ACTL8: variants seen among roughly 807,000 people sequenced by gnomAD.
The protein encoded by ACTL8 is actin like 8, also known as actin-like protein 8.
ACTL8 carries 3 observed loss-of-function variants against 9.3 expected under a neutral mutation model. The observed-to-expected ratio is 0.32, with a 90% CI of 0.15 to 0.83. ACTL8 has a LOEUF of 0.83. Ranked by LOEUF, ACTL8 falls within the 40% of genes least tolerant of loss-of-function variation. The pLI, the probability that ACTL8 is intolerant of heterozygous loss-of-function variation, is 0.57. For missense variants in ACTL8, 381 were observed against 492.2 expected, an observed-to-expected ratio of 0.77 and a Z score of 2.14; for synonymous variants, 224 against 205.9, an observed-to-expected ratio of 1.09 and a Z score of -0.75.
At chr1:17,755,554 CTGT>C (rs1210490590) in intron 1 of ACTL8, 50 bp downstream of exon 1, 2 of 147,070 alleles carry the variant, frequency 1.4e-5, no homozygotes, top group East Asian at 3.9e-4. Flanking sequence ...TGGCCCCTGA[CTGT>C]TTTTTTTTTT....
At chr1:17,795,528 A>G (rs1455034454) in intron 1 of ACTL8, among the ~76,000 whole-genome samples, 1 of 152,228 alleles carries the variant, frequency 6.6e-6, no homozygotes, top group Non-Finnish European at 1.5e-5. Context: ...ACTTGGGTCT[A>G]AGAGAGAAGC....
At chr1:17,779,289 C>T (rs2066136981) in intron 1 of ACTL8, among the ~76,000 whole-genome samples, 1 of 152,144 alleles carries the variant, frequency 6.6e-6, no homozygotes, top group Admixed American at 6.5e-5. Context: ...CCACAGAAGC[C>T]TTCTCTGACC....
chr1:17,795,804 C>T (rs931201578), intron 1 of ACTL8, among the ~76,000 whole-genome samples: 4 of 152,132 alleles, frequency 2.6e-5, no homozygotes, highest in East Asian at 1.9e-4. Context: ...TCCCCGAGTT[C>T]GAGGTGGTGA....
chr1:17,789,326 C>G (rs1014620789), intron 1 of ACTL8, among the ~76,000 whole-genome samples: 1 of 152,178 alleles, frequency 6.6e-6, no homozygotes, highest in African/African-American at 2.4e-5. Flanking sequence ...TAACTTCTCC[C>G]ATGCTCCCAG....
chr1:17,819,287 ATGAT>A (rs2053625672), intron 1 of ACTL8, among the ~76,000 whole-genome samples: 1 of 152,178 alleles, frequency 6.6e-6, no homozygotes, highest in South Asian at 2.1e-4. Flanking sequence ...GTCACTCTGG[ATGAT>A]TGAGTGTGAG....
At chr1:17,819,143 C>A (rs1263934850) in intron 1 of ACTL8, among the ~76,000 whole-genome samples, 1 of 152,240 alleles carries the variant, frequency 6.6e-6, no homozygotes, top group Non-Finnish European at 1.5e-5. Flanking sequence ...CCTTGTTTCA[C>A]AGCCACAGTG....
chr1:17,813,737 C>G (rs572501638), intron 1 of ACTL8, among the ~76,000 whole-genome samples: 1 of 152,176 alleles, frequency 6.6e-6, no homozygotes, highest in South Asian at 2.1e-4. Context: ...CCAGTGAAAC[C>G]GTTTAGACCT....
intron 1 of ACTL8, among the ~76,000 whole-genome samples, chr1:17,814,673 C>T (rs1488199356): frequency 1.3e-5 from 2 of 152,008 alleles, no homozygotes; most frequent in East Asian, 3.9e-4. Context: ...CATTATGTTA[C>T]AATCGCCTAC....
At chr1:17,825,448 A>T (rs558565510) in intron 2 of ACTL8, among the ~76,000 whole-genome samples, 39 of 152,170 alleles carry the variant, frequency 2.6e-4, no homozygotes, top group African/African-American at 9.4e-4. Flanking sequence ...CAGGCTGCAC[A>T]TGTGACCCGT....
At chr1:17,824,347 A>G (rs887978907) in intron 2 of ACTL8, among the ~76,000 whole-genome samples, 1 of 152,240 alleles carries the variant, frequency 6.6e-6, no homozygotes, top group Non-Finnish European at 1.5e-5. Context: ...AAAAGAACAT[A>G]TGCTCATTGC....
chr1:17,759,595 T>A (rs1418856739), intron 1 of ACTL8, among the ~76,000 whole-genome samples: 3 of 152,194 alleles, frequency 2.0e-5, no homozygotes, highest in Non-Finnish European at 2.9e-5. Context: ...CAGCAAGGCC[T>A]GGATATCAGC....
At chr1:17,794,045 C>T (rs1470541138) in intron 1 of ACTL8, among the ~76,000 whole-genome samples, 1 of 152,190 alleles carries the variant, frequency 6.6e-6, no homozygotes, top group Non-Finnish European at 1.5e-5. Context: ...CATGAAAAGT[C>T]CCTCTCACAT....
chr1:17,777,688 G>A (rs1466805200), intron 1 of ACTL8, among the ~76,000 whole-genome samples: 4 of 152,198 alleles, frequency 2.6e-5, no homozygotes. Context: ...GTGCTAGAAA[G>A]TGCCATCTGA....
rs577313752 is a variant in ACTL8 at position 17,759,555 on chromosome 1, C to T, written c.-25+4051C>T. ...CACCAGACCAACTTTTTTTCTCCCC[C>T]AATGTAGTGAGGCACAGCCATACCC... On this transcript the variant is annotated intron_variant, in intron 1 of 2. Coordinates refer to ENST00000375406, the MANE Select transcript of ACTL8 (RefSeq NM_030812.3). Among the ~76,000 whole-genome samples, 3 of 152,280 alleles carry T rather than the reference C, an allele frequency of 2.0e-5. No individual in the cohort carries two copies. In the East Asian group the frequency reaches 5.8e-4, roughly 29 times the overall value.
chr1:17,815,926 C>T (rs1490088200), intron 1 of ACTL8, among the ~76,000 whole-genome samples: 1 of 152,138 alleles, frequency 6.6e-6, no homozygotes, highest in Non-Finnish European at 1.5e-5. Context: ...TCTGTCGTCT[C>T]TATTCTATGG....
chr1:17,826,138 C>A lies in ACTL8; in HGVS notation c.720C>A (p.Leu240=). Residue 240 remains leucine (L), a synonymous_variant, in exon 3 of 3, where the codon CTC becomes CTA. Coordinates refer to ENST00000375406, the MANE Select transcript of ACTL8 (RefSeq NM_030812.3). This position sits in a 1 kb window ranked among gnomAD's most constrained non-coding sequence, Gnocchi z 4.5. ...SALDESNTYQ[L]PDGSRVELTP... is the part of the protein sequence containing the mutation. ...TGGATGAGAGCAACACCTATCAGCT[C>A]CCAGACGGCTCCCGCGTGGAGCTGA... is the stretch of plus-strand genomic sequence containing the variant. The A allele has an allele frequency of 6.2e-7, 1 of 1,611,290 alleles. No homozygotes were observed. Among genetic ancestry groups the A allele is most frequent in the East Asian group, 2.2e-5 (1 of 44,806 alleles).
At position 17,826,380 on chromosome 1, in the gene ACTL8, C is replaced by T. The variant is rs144788383; in HGVS notation, c.962C>T (p.Ser321Phe). The T allele has an allele frequency of 6.2e-7, 1 of 1,614,114 alleles. No individual in the cohort carries two copies. Among genetic ancestry groups the T allele is most frequent in the Non-Finnish European group, 8.5e-7 (1 of 1,180,020 alleles). The change falls in exon 3 of 3, where the codon TCC becomes TTC. Residue 321 changes from serine to phenylalanine, a missense_variant. Ser to Phe is a radical substitution (Grantham distance 155). This residue lies in a region of ACTL8 where 243 missense variants were observed against 276.2 expected (regional missense o/e 0.88). Transcript: ENST00000375406. This position sits in a 1 kb window ranked among gnomAD's most constrained non-coding sequence, Gnocchi z 4.5. ...AGGGAGCTGATGGGGGATCACGTCT[C>T]CTCCACCAAGGCCACAGTCTGGGAG... ...LFRELMGDHV[S>F]STKATVWEGS...
intron 1 of ACTL8, among the ~76,000 whole-genome samples, chr1:17,800,071 TTTC>T (rs2066309366): frequency 1.3e-5 from 2 of 152,208 alleles, no homozygotes; most frequent in Non-Finnish European, 1.5e-5. Flanking sequence ...GGCAGACCCT[TTTC>T]TTCTTCTAGA....
rs1293337605 is a variant in ACTL8, at chr1:17,823,147, G to A, written c.139G>A (p.Ala47Thr). The A allele has an allele frequency of 5.6e-6, 9 of 1,614,206 alleles. No homozygotes were observed. The South Asian group carries it at 9.9e-5, about 18-fold the overall frequency. Residue 47 changes from alanine (A) to threonine (T), a missense_variant, in exon 2 of 3, where the codon GCC (alanine) becomes ACC (threonine). Coordinates refer to ENST00000375406, the MANE Select transcript of ACTL8 (RefSeq NM_030812.3). The surrounding 1 kb of genome is among the most constrained non-coding windows in gnomAD (Gnocchi z 5.3). ...PCKENPGPSYARRRVSLGIDI... is the reference protein window; with the variant it reads ...PCKENPGPSYTRRRVSLGIDI... ...CAAGGAGAACCCTGGCCCCAGCTAT[G>A]CCCGTAGGCGTGTGAGCCTGGGCAT...
Sources: gnomAD v4.1 joint callset for allele counts (sites outside exome capture counted in the v4.1 genomes callset) on GRCh38, gnomAD v4.1.1 for gene constraint, gnomAD v4.1.1 regional missense constraint, Gnocchi (gnomAD v3.1) non-coding constraint, MANE v1.5 for transcripts, NCBI Gene and HGNC (gene_info 2026-07-23, HGNC 2026-07-21) for gene names.